Variants in AGK observed in about 807,000 individuals in gnomAD.
AGK encodes the protein acylglycerol kinase.
In AGK, 52 loss-of-function variants were observed where a neutral mutation model predicts 66.4. That is an observed-to-expected ratio of 0.78 (90% CI 0.63 to 0.99). AGK has a LOEUF of 0.99. Ranked by LOEUF, AGK falls within the 50% of genes least tolerant of loss-of-function variation. The pLI is 0.00. For missense variants in AGK, 451 were observed against 506.6 expected, an observed-to-expected ratio of 0.89 and a Z score of 1.05; for synonymous variants, 182 against 181.1, an observed-to-expected ratio of 1.00 and a Z score of -0.04.
intron 2 of AGK, among the ~76,000 whole-genome samples, chr7:141,589,013 C>G (rs1796051861): frequency 6.6e-6 from 1 of 152,172 alleles, no homozygotes; most frequent in Non-Finnish European, 1.5e-5. Context: ...TCTTTATCAG[C>G]TATATCATAT....
At chr7:141,554,903 AT>A in intron 1 of AGK, among the ~76,000 whole-genome samples, 1 of 152,192 alleles carries the variant, frequency 6.6e-6, no homozygotes, top group East Asian at 1.9e-4. Flanking sequence ...GAAGTTGAAC[AT>A]TTTTAGATAG....
At chr7:141,615,216 T>G (rs1405721620) in intron 7 of AGK, among the ~76,000 whole-genome samples, 1 of 152,246 alleles carries the variant, frequency 6.6e-6, no homozygotes, top group Non-Finnish European at 1.5e-5. Flanking sequence ...CTTAACCAAA[T>G]TTCTTTCAAA....
At chr7:141,578,448 G>A (rs980817406) in intron 2 of AGK, among the ~76,000 whole-genome samples, 1 of 152,040 alleles carries the variant, frequency 6.6e-6, no homozygotes, top group African/African-American at 2.4e-5. Flanking sequence ...GGGATACGAT[G>A]GCTTAGCTTG....
intron 2 of AGK, among the ~76,000 whole-genome samples, chr7:141,590,985 C>T (rs1796101167): frequency 6.6e-6 from 1 of 150,616 alleles, no homozygotes; most frequent in Non-Finnish European, 1.5e-5. Context: ...CTGGATTTCA[C>T]AAGGGGTGAG....
intron 2 of AGK, among the ~76,000 whole-genome samples, chr7:141,564,133 C>G (rs1016261182): frequency 3.2e-4 from 49 of 152,178 alleles, no homozygotes; most frequent in African/African-American, 1.2e-3. Flanking sequence ...GCTGATTAAA[C>G]CTTTTGAATA....
chr7:141,618,238 A>C (rs778458045), intron 8 of AGK, among the ~76,000 whole-genome samples: 3 of 152,168 alleles, frequency 2.0e-5, no homozygotes, highest in Non-Finnish European at 4.4e-5. Context: ...TTCTTTGGGA[A>C]TCCATTGATA....
chr7:141,591,084 T>G (rs1421802018), intron 2 of AGK, among the ~76,000 whole-genome samples: 3 of 8,088 alleles, frequency 3.7e-4, no homozygotes, highest in Non-Finnish European at 9.1e-4. Context: ...CTTAAGTTGT[T>G]TTTTTTTTTT....
chr7:141,555,580 C>G lies in AGK; in HGVS notation c.101+13C>G, dbSNP rs1795191617. On this transcript the variant is annotated intron_variant, in intron 2 of 15. Transcript: ENST00000649286. The surrounding 1 kb of genome is among the most constrained non-coding windows in gnomAD (Gnocchi z 4.2). Reference sequence around the variant, plus strand: ...ATGGAAAACACTGGTAACTATCTGACAGCCCCATCCCACCTTTGCATCTGC... The same window carrying G: ...ATGGAAAACACTGGTAACTATCTGAGAGCCCCATCCCACCTTTGCATCTGC... 6.3e-7 allele frequency: 1 copy of G among 1,594,998 alleles called. No homozygotes were observed.
At chr7:141,596,469 C>G in intron 3 of AGK, 93 bp from the exon 4 acceptor site, 1 of 1,131,720 alleles carries the variant, frequency 8.8e-7, no homozygotes, top group Non-Finnish European at 1.3e-6. Context: ...ACCTTATGTG[C>G]TGCAAGTACA....
chr7:141,609,977 T>C (rs1000216213), intron 5 of AGK, among the ~76,000 whole-genome samples: 1 of 151,780 alleles, frequency 6.6e-6, no homozygotes, highest in Middle Eastern at 3.2e-3. Context: ...TTTTGTTTTT[T>C]TTTTTTCCTG....
intron 7 of AGK, among the ~76,000 whole-genome samples, chr7:141,615,228 A>T (rs1443174945): frequency 6.6e-6 from 1 of 152,226 alleles, no homozygotes; most frequent in Non-Finnish European, 1.5e-5. Context: ...TCTTTCAAAC[A>T]GTTGTCATTA....
chr7:141,624,576 A>C, intron 9 of AGK, among the ~76,000 whole-genome samples: 1 of 152,200 alleles, frequency 6.6e-6, no homozygotes, highest in East Asian at 1.9e-4. Flanking sequence ...TGGAGGAAGG[A>C]ACTGCAGATG....
chr7:141,566,792 T>A (rs1031103244), intron 2 of AGK, among the ~76,000 whole-genome samples: 1 of 152,194 alleles, frequency 6.6e-6, no homozygotes, highest in African/African-American at 2.4e-5. Flanking sequence ...CACTTGTATC[T>A]TTAGTCTCAG....
chr7:141,632,881 A>G (rs1797088832), intron 9 of AGK, among the ~76,000 whole-genome samples: 1 of 152,186 alleles, frequency 6.6e-6, no homozygotes, highest in Non-Finnish European at 1.5e-5. Flanking sequence ...TCTCCTAGAA[A>G]TTTCTCTGAT....
chr7:141,604,372 G>GTGTA (rs1554400817), intron 5 of AGK, among the ~76,000 whole-genome samples: 9 of 58,404 alleles, frequency 1.5e-4, no homozygotes, highest in Non-Finnish European at 2.6e-4. Flanking sequence ...GTGTGTGTGT[G>GTGTA]TGTATATATA....
intron 2 of AGK, among the ~76,000 whole-genome samples, chr7:141,577,990 A>ATTTT: frequency 6.6e-6 from 1 of 151,496 alleles, no homozygotes; most frequent in Non-Finnish European, 1.5e-5. Context: ...TTTTTTTGGA[A>ATTTT]TTTTTAGTAG....
chr7:141,577,320 A>G (rs1405653150), intron 2 of AGK, among the ~76,000 whole-genome samples: 1 of 152,184 alleles, frequency 6.6e-6, no homozygotes, highest in African/African-American at 2.4e-5. Flanking sequence ...GGTCTTCACA[A>G]TCCCTTATCT....
chr7:141,588,920 A>G (rs1160830126), intron 2 of AGK, among the ~76,000 whole-genome samples: 1 of 152,190 alleles, frequency 6.6e-6, no homozygotes, highest in Admixed American at 6.5e-5. Context: ...AGCAGTGAGG[A>G]CACTAGAGAT....
At position 141,651,513 on chromosome 7, in the gene AGK, C is replaced by G. The variant is rs200585777; in HGVS notation, c.1047-12C>G. On this transcript the variant is annotated splice_polypyrimidine_tract_variant and intron_variant, in intron 14 of 15. Coordinates refer to ENST00000649286, the MANE Select transcript of AGK (RefSeq NM_018238.4). ...TCACTGGTCTTAAGCTTGCTTTTTC[C>G]TGTGCTCACAGAAGTCGAAAGGTGA... The G allele has an allele frequency of 2.2e-5, 35 of 1,613,934 alleles. No homozygotes were observed. Among genetic ancestry groups the G allele is most frequent in the Admixed American group, 6.7e-5 (4 of 60,014 alleles).
Sources: gnomAD v4.1 joint callset for allele counts (sites outside exome capture counted in the v4.1 genomes callset) on GRCh38, gnomAD v4.1.1 for gene constraint, Gnocchi (gnomAD v3.1) non-coding constraint, MANE v1.5 for transcripts, NCBI Gene and HGNC (gene_info 2026-07-23, HGNC 2026-07-21) for gene names.